Variants in DST observed in about 807,000 individuals in gnomAD.
DST encodes the protein dystonin.
Under a neutral mutation model 875.2 loss-of-function variants are expected in DST, and 253 were observed. The observed-to-expected ratio is 0.29, with a 90% CI of 0.26 to 0.32. The LOEUF (loss-of-function observed/expected upper bound fraction) is 0.32. Among genes scored for constraint, DST ranks in the 10% least tolerant of loss-of-function variants. The probability of loss-of-function intolerance (pLI) is 1.00; values close to 1 mark genes in which losing one functional copy is unlikely to be tolerated. For synonymous variants in DST, 3,124 were observed against 3,197.1 expected (o/e 0.98, Z 0.77); for missense variants, 8,287 against 9,111.6 (o/e 0.91, Z 3.68).
chr6:56,641,926 A>G, intron 17 of DST, 21 bp downstream of exon 17: 1 of 1,569,356 alleles, frequency 6.4e-7, no homozygotes, highest in Non-Finnish European at 8.6e-7. Flanking sequence ...AGGACAGAGA[A>G]AGAATAAGTA....
At chr6:56,634,773 C>T in intron 25 of DST, 28 bp downstream of exon 25, 1 of 1,611,558 alleles carries the variant, frequency 6.2e-7, no homozygotes, top group East Asian at 2.2e-5. Flanking sequence ...ATGACAGAAA[C>T]TGGTCTGTTT....
intron 2 of DST, among the ~76,000 whole-genome samples, chr6:56,934,560 T>TTATATATATATATATATATATATATA (rs60018139): frequency 1.9e-5 from 2 of 106,486 alleles, no homozygotes; most frequent in Non-Finnish European, 3.8e-5. Context: ...ATATATTATA[T>TTATATATATATATATATATATATATA]TATATATATA....
intron 4 of DST, among the ~76,000 whole-genome samples, chr6:56,741,924 G>C (rs923914711): frequency 2.6e-5 from 4 of 152,116 alleles, no homozygotes; most frequent in African/African-American, 9.7e-5. Flanking sequence ...TAACGACAAT[G>C]AAGACAAAGA....
At chr6:56,533,148 G>A (rs1190633432) in intron 63 of DST, among the ~76,000 whole-genome samples, 1 of 152,188 alleles carries the variant, frequency 6.6e-6, no homozygotes, top group Non-Finnish European at 1.5e-5. Flanking sequence ...AATCTCCAAA[G>A]CTGGCTAAAT....
chr6:56,867,125 C>T (rs1774538701), intron 3 of DST, among the ~76,000 whole-genome samples: 1 of 152,186 alleles, frequency 6.6e-6, no homozygotes, highest in East Asian at 1.9e-4. Context: ...AGAACCGAGG[C>T]TAGACCTGGC....
At chr6:56,953,680 T>G in intron 2 of DST, 105 bp downstream of exon 2, 1 of 797,150 alleles carries the variant, frequency 1.3e-6, no homozygotes, top group Non-Finnish European at 1.8e-6. Flanking sequence ...GACAGCATGT[T>G]CGTCATTCAG....
chr6:56,758,489 T>C (rs192073004), intron 4 of DST, among the ~76,000 whole-genome samples: 1 of 152,268 alleles, frequency 6.6e-6, no homozygotes, highest in African/African-American at 2.4e-5. Context: ...AAACCAACCA[T>C]TTTTTTATGT....
chr6:56,490,867 T>C (rs983238541), intron 85 of DST, among the ~76,000 whole-genome samples: 1 of 152,298 alleles, frequency 6.6e-6, no homozygotes, highest in Non-Finnish European at 1.5e-5. Context: ...GGAAATGCTA[T>C]ACATTTGCAC....
chr6:56,591,043 T>C (rs1016493655), intron 49 of DST, among the ~76,000 whole-genome samples: 11 of 152,264 alleles, frequency 7.2e-5, no homozygotes, highest in Non-Finnish European at 1.6e-4. Flanking sequence ...CAATCCTGTG[T>C]TTATTTTCTA....
rs1248700244 is a variant in DST, at chr6:56,894,337, G to A, written c.417+6084C>T. Reference sequence around the variant, plus strand: ...GCGCCCCTCACCTCCTGGATAGGGCGGCTGGCCGGGCAGGGGGGCTGTTCC... The same window carrying A: ...GCGCCCCTCACCTCCTGGATAGGGCAGCTGGCCGGGCAGGGGGGCTGTTCC... On this transcript the variant is annotated intron_variant, in intron 3 of 103. Transcript: ENST00000680361. Among the ~76,000 whole-genome samples the A allele has an allele frequency of 4.8e-5, 5 of 104,978 alleles. 1 individual carries two copies. Among genetic ancestry groups the A allele is most frequent in the Non-Finnish European group, 7.4e-5 (4 of 53,722 alleles). 68.9% of individuals were successfully genotyped at this position (104,978 alleles called of 152,430 possible). A position where few individuals can be genotyped will look rare whatever the true frequency, so the allele number is the denominator to read the frequency against.
intron 4 of DST, among the ~76,000 whole-genome samples, chr6:56,812,108 AAAAAAGAAAAGAAAAG>A (rs1561960901): frequency 2.8e-5 from 4 of 142,592 alleles, no homozygotes; most frequent in African/African-American, 2.6e-5. Context: ...ACTCAAAAAA[AAAAAAGAAAAGAAAAG>A]AAAAGAAAAG....
chr6:56,839,719 C>T (rs902723976), intron 4 of DST, among the ~76,000 whole-genome samples: 1 of 152,088 alleles, frequency 6.6e-6, no homozygotes, highest in African/African-American at 2.4e-5. Flanking sequence ...AGGCAATAAA[C>T]CCGAACTGAA....
chr6:56,586,525 A>C (rs1237998776), intron 49 of DST, among the ~76,000 whole-genome samples: 1 of 151,966 alleles, frequency 6.6e-6, no homozygotes, highest in African/African-American at 2.4e-5. Flanking sequence ...AATACAGCAC[A>C]CTGATGGGTC....
Position 56,608,794 on chromosome 6 carries a change from C to T in DST, c.5834G>A (p.Gly1945Glu), listed in dbSNP as rs1328143933. ...TGGTCTCACAGGTAGAAGCCACATC[C>T]CTGTGTTTTCCTGTAAAGTACTTCT... is the stretch of plus-strand genomic sequence containing the variant. ...VQRSTLQENT[G>E]MWLLPVRPQE... The change falls in exon 40 of 104, where the codon GGG becomes GAG. Residue 1945 changes from glycine to glutamate, a missense_variant. Around this residue, in one of 10 missense-constraint regions of DST, gnomAD observed 3,138 missense variants for 3,116.6 expected, o/e 1.01. Coordinates refer to ENST00000680361, the MANE Select transcript of DST (RefSeq NM_001374736.1). The T allele has an allele frequency of 8.1e-6, 13 of 1,610,028 alleles. No homozygotes were observed. In the South Asian group the frequency reaches 1.3e-4, roughly 16 times the overall value.
intron 50 of DST, among the ~76,000 whole-genome samples, chr6:56,576,810 A>G (rs2097871728): frequency 6.6e-6 from 1 of 152,042 alleles, no homozygotes; most frequent in Admixed American, 6.6e-5. Flanking sequence ...TAAGCCAGGA[A>G]AAGGGCCCTC....
At position 56,607,452 on chromosome 6, in the gene DST, G is replaced by A. The variant is rs780833848; in HGVS notation, c.7176C>T (p.Asn2392=). The A allele has an allele frequency of 6.9e-5, 110 of 1,602,914 alleles. No individual in the cohort carries two copies. The highest frequency in any genetic ancestry group is 9.0e-5 in the Non-Finnish European group (106 of 1,173,938). ...GATTTTCTATTAAATCACTTGGAAA[G>A]TTTTGAATGTTTTTAGAATGACTAC... ...NECSHSKNIQ[N]FPSDLIENPI... The change falls in exon 40 of 104, where the codon AAC becomes AAT. Residue 2392 remains asparagine (N), a synonymous_variant. Transcript: ENST00000680361.
Position 56,553,003 on chromosome 6 carries a change from A to C in DST, c.15789T>G (p.Ser5263Arg). ...KVDMVTEQLHSKKFCLENMTQ... is the reference protein window; with the variant it reads ...KVDMVTEQLHRKKFCLENMTQ... ...TCATGTTCTCCAGACAGAATTTCTT[A>C]CTGTGAAGTTGTTCAGTGACCATGT... is the stretch of plus-strand genomic sequence containing the variant. The change falls in exon 61 of 104, where the codon AGT (serine) becomes AGG (arginine). Residue 5263 changes from serine (S) to arginine (R), a missense_variant. Ser to Arg is a moderately radical substitution (Grantham distance 110). Coordinates refer to ENST00000680361, the MANE Select transcript of DST (RefSeq NM_001374736.1). The C allele has an allele frequency of 1.2e-6, 2 of 1,613,950 alleles. No homozygotes were observed. Among genetic ancestry groups the C allele is most frequent in the Non-Finnish European group, 1.7e-6 (2 of 1,179,896 alleles).
intron 4 of DST, chr6:56,843,727 G>A: frequency 5.8e-6 from 1 of 172,844 alleles, no homozygotes; most frequent in Non-Finnish European, 9.2e-6. Context: ...GGTGGAGGGT[G>A]GAGAGTGGAG....
chr6:56,813,418 C>G (rs1020225238), intron 4 of DST, among the ~76,000 whole-genome samples: 6 of 151,834 alleles, frequency 4.0e-5, no homozygotes, highest in African/African-American at 1.5e-4. Context: ...AAAATGTCCA[C>G]TTACGAAGCA....
Sources: allele counts gnomAD v4.1 joint callset (sites outside exome capture counted in the v4.1 genomes callset), GRCh38; gene constraint gnomAD v4.1.1; regional missense constraint gnomAD v4.1.1; transcripts MANE v1.5; gene names NCBI Gene and HGNC (gene_info 2026-07-23, HGNC 2026-07-21).